CHUK: variants seen among roughly 807,000 people sequenced by gnomAD.
The protein encoded by CHUK is inhibitor of nuclear factor kappa-B kinase subunit alpha.
A neutral mutation model predicts 104.8 loss-of-function variants in CHUK; 35 were observed. That is an observed-to-expected ratio of 0.33 (90% CI 0.26 to 0.44). The LOEUF is 0.44. Among genes scored for constraint, CHUK ranks in the 20% least tolerant of loss-of-function variants. CHUK has a pLI of 1.00. For synonymous variants in CHUK, 276 were observed against 291.9 expected, an observed-to-expected ratio of 0.95 and a Z score of 0.56; for missense variants, 663 against 902.7, an observed-to-expected ratio of 0.73 and a Z score of 3.40.
chr10:100,194,616 CTAATTT>C (rs1488803378), intron 16 of CHUK, 95 bp from the exon 17 acceptor site: 1 of 728,194 alleles, frequency 1.4e-6, no homozygotes, highest in Non-Finnish European at 2.4e-6. Context: ...AACTCTGAAA[CTAATTT>C]TAATTAATAA....
intron 9 of CHUK, among the ~76,000 whole-genome samples, chr10:100,217,042 G>A (rs1237654586): frequency 6.6e-6 from 1 of 150,746 alleles, no homozygotes; most frequent in Non-Finnish European, 1.5e-5. Context: ...AGATATGCCA[G>A]TGTAGGTGAG....
rs1002628940 is a variant in CHUK at position 100,229,553 on chromosome 10, C to T, written c.-21G>A. 13 of 1,480,668 alleles carry T rather than the reference C, an allele frequency of 8.8e-6. No individual in the cohort carries two copies. Among genetic ancestry groups the T allele is most frequent in the Non-Finnish European group, 1.1e-5 (12 of 1,101,448 alleles). 91.7% of individuals were successfully genotyped at this position (1,480,668 alleles called of 1,614,324 possible). ...TCCATGGGGCGGGAGGGCAAGCGGC[C>T]TCAGGTTCCACAGTTGTTCCAAGGC... On this transcript the variant is annotated 5_prime_UTR_variant, in exon 1 of 21. Coordinates refer to ENST00000370397, the MANE Select transcript of CHUK (RefSeq NM_001278.5).
chr10:100,218,143 C>T lies in CHUK; in HGVS notation c.798-13G>A, dbSNP rs1845902256. On this transcript the variant is annotated splice_polypyrimidine_tract_variant and intron_variant, in intron 8 of 20. Transcript: ENST00000370397. Reference sequence around the variant, plus strand: ...TTCTACTACTAAACTAGAAAACATACAAAATAGGGTGAAAATCAAATCATT... The same window carrying T: ...TTCTACTACTAAACTAGAAAACATATAAAATAGGGTGAAAATCAAATCATT... 6.2e-7 allele frequency: 1 copy of T among 1,603,364 alleles called. No homozygotes were observed. Among genetic ancestry groups the T allele is most frequent in the African/African-American group, 1.3e-5 (1 of 74,664 alleles).
chr10:100,194,621 TTTAA>T, intron 16 of CHUK, 100 bp from the exon 17 acceptor site: 3 of 705,926 alleles, frequency 4.2e-6, no homozygotes, highest in Admixed American at 2.2e-5. Flanking sequence ...TGAAACTAAT[TTTAA>T]TTAATAAACA....
At chr10:100,210,086 TATTTA>T (rs1564836527) in intron 9 of CHUK, among the ~76,000 whole-genome samples, 14 of 131,550 alleles carry the variant, frequency 1.1e-4, no homozygotes, top group African/African-American at 1.3e-4. Flanking sequence ...TTTATTTATT[TATTTA>T]TTTTTTTTTT....
At chr10:100,200,573 A>G (rs1309031319) in intron 15 of CHUK, 98 bp downstream of exon 15, 2 of 741,184 alleles carry the variant, frequency 2.7e-6, no homozygotes, top group Non-Finnish European at 4.9e-6. Context: ...AAGGAAAACT[A>G]TAGAAAAGAA....
chr10:100,225,983 C>T lies in CHUK; in HGVS notation c.140G>A (p.Arg47His), dbSNP rs780285239. 10 of 1,608,190 alleles carry T rather than the reference C, an allele frequency of 6.2e-6. No individual in the cohort carries two copies. The highest frequency in any genetic ancestry group is 8.5e-6 in the Non-Finnish European group (10 of 1,175,506). The stretch of plus-strand genomic sequence containing the variant: ...TCTGTTTTTGGTACTTAGCTCTAGG[C>T]GACAAGACTTAATTGCTATTTTGAG... ...LDLKIAIKSC[R>H]LELSTKNRER... is the part of the protein sequence containing the mutation. The change falls in exon 2 of 21, where the codon CGC becomes CAC. Residue 47 changes from arginine (R) to histidine (H), a missense_variant. By Grantham distance (29) the Arg-to-His change is conservative (BLOSUM62 0). Coordinates refer to ENST00000370397, the MANE Select transcript of CHUK (RefSeq NM_001278.5).
In CHUK at chr10:100,205,076, A is replaced by G. The variant is rs368698019; in HGVS notation, c.1355T>C (p.Met452Thr). ...CTTATAAACAACAGAATCCACTTAC[A>G]TTGCTGCCCTTTGTCCCTGAAAGAG... The part of the protein sequence containing the change: ...SRLFQGQRAA[M>T]LSLLRYNANL... Residue 452 changes from methionine (M) to threonine (T), a missense_variant and splice_region_variant, in exon 12 of 21, where the codon ATG (methionine) becomes ACG (threonine). Physicochemically the swap from Met to Thr is moderately conservative, Grantham distance 81. This residue lies in a region of CHUK where 311 missense variants were observed against 393.4 expected (regional missense o/e 0.79). Transcript: ENST00000370397. 2 of 1,614,036 alleles carry G rather than the reference A, an allele frequency of 1.2e-6. No individual in the cohort carries two copies. The highest frequency in any genetic ancestry group is 1.7e-6 in the Non-Finnish European group (2 of 1,179,996).
chr10:100,211,225 G>C (rs1351636188), intron 9 of CHUK, among the ~76,000 whole-genome samples: 2 of 151,478 alleles, frequency 1.3e-5, no homozygotes, highest in Admixed American at 6.5e-5. Flanking sequence ...AGCCTATCTT[G>C]TTTCATCTAT....
At chr10:100,222,391 A>C (rs1264725455) in intron 3 of CHUK, among the ~76,000 whole-genome samples, 2 of 152,214 alleles carry the variant, frequency 1.3e-5, no homozygotes, top group Non-Finnish European at 2.9e-5. Context: ...AAAGCATTTG[A>C]AACTGGAAAA....
chr10:100,215,586 C>T (rs1845837658), intron 9 of CHUK, among the ~76,000 whole-genome samples: 1 of 152,078 alleles, frequency 6.6e-6, no homozygotes, highest in Non-Finnish European at 1.5e-5. Flanking sequence ...AGGTTCAGTA[C>T]ACTTCTTTCA....
At chr10:100,197,919 C>T (rs748098643) in intron 16 of CHUK, among the ~76,000 whole-genome samples, 4 of 152,178 alleles carry the variant, frequency 2.6e-5, no homozygotes, top group Non-Finnish European at 4.4e-5. Context: ...AGAACACTTG[C>T]ACTGTTTTAC....
intron 13 of CHUK, 92 bp from the exon 14 acceptor site, chr10:100,202,241 T>C: frequency 1.2e-6 from 1 of 829,244 alleles, no homozygotes; most frequent in Non-Finnish European, 2.1e-6. Context: ...ATCAAAGATG[T>C]GTTATGAGTT....
chr10:100,189,765 G>T, intron 20 of CHUK, 138 bp from the exon 21 acceptor site: 3 of 572,212 alleles, frequency 5.2e-6, no homozygotes, highest in East Asian at 3.1e-5. Context: ...CTTATTTCCT[G>T]ATTTAAAAAA....
In CHUK at chr10:100,200,744, A is replaced by C; in HGVS notation, c.1606T>G (p.Ser536Ala). Residue 536 changes from serine to alanine, a missense_variant, in exon 15 of 21, where the codon TCT (serine) becomes GCT (alanine). Ser to Ala is a moderately conservative substitution (Grantham distance 99, BLOSUM62 1). Transcript: ENST00000370397. ...AGCTCCATGATTTCAGCATGCAAAG[A>C]CATAATCTGATCCTCCAGGTATCCA... ...VIGYLEDQIMSLHAEIMELQK... is the reference protein window; with the variant it reads ...VIGYLEDQIMALHAEIMELQK... 1 of 1,607,618 alleles carries C rather than the reference A, an allele frequency of 6.2e-7. No homozygotes were observed. The highest frequency in any genetic ancestry group is 2.2e-5 in the East Asian group (1 of 44,834).
In CHUK at chr10:100,222,079, A is replaced by G. The variant is rs780800400; in HGVS notation, c.385+33T>C. On this transcript the variant is annotated intron_variant, in intron 4 of 20. Coordinates refer to ENST00000370397, the MANE Select transcript of CHUK (RefSeq NM_001278.5). ...ATCTTTTATGGGCCAAAGGGACATT[A>G]CATTACAATGGTATTTTAATACTGA... The G allele has an allele frequency of 4.6e-6, 5 of 1,083,794 alleles. No homozygotes were observed. The South Asian group carries it at 6.3e-5, about 14-fold the overall frequency. 67.1% of individuals were successfully genotyped at this position (1,083,794 alleles called of 1,614,324 possible). A position where few individuals can be genotyped will look rare whatever the true frequency, so the allele number is the denominator to read the frequency against.
chr10:100,211,009 A>G (rs1845716053), intron 9 of CHUK, among the ~76,000 whole-genome samples: 1 of 152,254 alleles, frequency 6.6e-6, no homozygotes, highest in South Asian at 2.1e-4. Context: ...TACATTGACT[A>G]GTATATGCAA....
In CHUK at chr10:100,219,306, A is replaced by T; in HGVS notation, c.528T>A (p.Ser176Arg). Residue 176 changes from serine (S) to arginine (R), a missense_variant, in exon 6 of 21, where the codon AGT (serine) becomes AGA (arginine). By Grantham distance (110) the Ser-to-Arg change is moderately radical (BLOSUM62 -1). Around this residue, in one of 5 missense-constraint regions of CHUK, gnomAD observed 200 missense variants for 333.0 expected, o/e 0.60. Transcript: ENST00000370397. ...LGYAKDVDQG[S>R]LCTSFVGTLQ... The stretch of plus-strand genomic sequence containing the variant: ...GTGTTCCCACAAAAGATGTACACAG[A>T]CTTCCTTGATCAACATCTTTGGCAT... 1 of 1,606,034 alleles carries T rather than the reference A, an allele frequency of 6.2e-7. No individual in the cohort carries two copies. The highest frequency in any genetic ancestry group is 8.5e-7 in the Non-Finnish European group (1 of 1,172,656).
At chr10:100,228,478 A>AC (rs1846154009) in intron 1 of CHUK, among the ~76,000 whole-genome samples, 1 of 151,990 alleles carries the variant, frequency 6.6e-6, no homozygotes, top group African/African-American at 2.4e-5. Flanking sequence ...ACATGGTGAA[A>AC]CCCCGTCTCT....
Sources: gnomAD v4.1 joint callset for allele counts (sites outside exome capture counted in the v4.1 genomes callset) on GRCh38, gnomAD v4.1.1 for gene constraint, gnomAD v4.1.1 regional missense constraint, MANE v1.5 for transcripts, NCBI Gene and HGNC (gene_info 2026-07-23, HGNC 2026-07-21) for gene names.